Variants in WDR25 observed in about 807,000 individuals in gnomAD.
WDR25 encodes the protein WD repeat-containing protein 25.
In WDR25, 35 loss-of-function variants were observed where a neutral mutation model predicts 47.7. That is an observed-to-expected ratio of 0.73 (90% CI 0.56 to 0.97). The LOEUF (loss-of-function observed/expected upper bound fraction) is 0.97. WDR25 is among the 50% of genes least tolerant of loss of function. WDR25 has a pLI of 0.00. For missense variants in WDR25, 634 were observed against 704.7 expected (o/e 0.90, Z 1.14); for synonymous variants, 248 against 278.9 (o/e 0.89, Z 1.10).
In WDR25 at chr14:100,381,580, A is replaced by G; in HGVS notation, c.656A>G (p.Glu219Gly). The G allele has an allele frequency of 6.2e-7, 1 of 1,609,618 alleles. No homozygotes were observed. Among genetic ancestry groups the G allele is most frequent in the Non-Finnish European group, 8.5e-7 (1 of 1,177,014 alleles). ...CTCTACGTGGGCCCGGGAGTGTCTG[A>G]GTTTATTCAGCCATATTTGAATAGC... is the stretch of plus-strand genomic sequence containing the variant. ...APLYVGPGVS[E>G]FIQPYLNSHY... is the part of the protein sequence containing the mutation. The change falls in exon 2 of 7, where the codon GAG (glutamate) becomes GGG (glycine). Residue 219 changes from glutamate (E) to glycine (G), a missense_variant. By Grantham distance (98) the Glu-to-Gly change is moderately conservative (BLOSUM62 -2). Coordinates refer to ENST00000402312, the MANE Select transcript of WDR25 (RefSeq NM_001161476.3).
At chr14:100,413,998 A>AT (rs34471579) in intron 2 of WDR25, among the ~76,000 whole-genome samples, 2,588 of 140,234 alleles carry the variant, frequency 0.018, 37 homozygotes, top group Non-Finnish European at 0.029. Context: ...GAGGTAGTTC[A>AT]TTTTTTTTTT....
chr14:100,485,613 C>T (rs561837776), intron 4 of WDR25, among the ~76,000 whole-genome samples: 2 of 152,326 alleles, frequency 1.3e-5, no homozygotes, highest in East Asian at 1.9e-4. Flanking sequence ...TTGGTCTCAA[C>T]AGTGGGGAGC....
chr14:100,394,357 C>T (rs1212354182), intron 2 of WDR25, among the ~76,000 whole-genome samples: 1 of 152,188 alleles, frequency 6.6e-6, no homozygotes, highest in East Asian at 1.9e-4. Flanking sequence ...CTTGTGACGT[C>T]TCCATGAGCC....
intron 4 of WDR25, among the ~76,000 whole-genome samples, chr14:100,508,429 A>G (rs1261355116): frequency 1.3e-5 from 2 of 152,192 alleles, no homozygotes; most frequent in African/African-American, 4.8e-5. Flanking sequence ...AGCCAGAACA[A>G]TCAGGCAAGA....
intron 2 of WDR25, among the ~76,000 whole-genome samples, chr14:100,417,892 C>G (rs1042079548): frequency 2.0e-5 from 3 of 151,710 alleles, no homozygotes; most frequent in Admixed American, 2.0e-4. Context: ...TACTTAGGCT[C>G]TTGTGCATGT....
rs73347399 is a variant in WDR25 at position 100,434,921 on chromosome 14, G to A, written c.823-33100G>A. 4.9e-3 allele frequency among the ~76,000 whole-genome samples: 750 copies of A among 152,168 alleles called. 10 individuals are homozygous for A. The highest frequency in any genetic ancestry group is 0.017 in the African/African-American group (704 of 41,500). ...TTTGCCGTTTCTCATTTAACTGTGC[G>A]CCTGAGCAGGCTACATTAGTCCTGA... On this transcript the variant is annotated intron_variant, in intron 2 of 6. Transcript: ENST00000402312.
In WDR25 at chr14:100,502,318, G is replaced by GC. The variant is rs1900952277; in HGVS notation, c.1101+18200dup. ...GGGAAAGGCCTTAAGGCTCTCATGAGCCCCCCACATTCAGTGCCCTCATTC... is the reference window on the plus strand; with the variant it reads ...GGGAAAGGCCTTAAGGCTCTCATGAGCCCCCCCACATTCAGTGCCCTCATTC... On this transcript the variant is annotated intron_variant, in intron 4 of 6. Coordinates refer to ENST00000402312, the MANE Select transcript of WDR25 (RefSeq NM_001161476.3). The surrounding 1 kb of genome is among the most constrained non-coding windows in gnomAD (Gnocchi z 4.5). Among the ~76,000 whole-genome samples the GC allele has an allele frequency of 6.6e-6, 1 of 152,206 alleles. No homozygotes were observed. The highest frequency in any genetic ancestry group is 2.4e-5 in the African/African-American group (1 of 41,460).
chr14:100,445,700 A>T (rs564935539), intron 2 of WDR25, among the ~76,000 whole-genome samples: 55 of 152,252 alleles, frequency 3.6e-4, no homozygotes, highest in Non-Finnish European at 6.8e-4. Context: ...TTTTGTTCTG[A>T]AACCCCCAGG....
chr14:100,405,539 C>T (rs893836722), intron 2 of WDR25, among the ~76,000 whole-genome samples: 1 of 152,198 alleles, frequency 6.6e-6, no homozygotes, highest in African/African-American at 2.4e-5. Flanking sequence ...GCTGGGCCCC[C>T]TGGAGGATCA....
At chr14:100,380,043 T>TTTTTCTTTTC (rs56062624) in intron 1 of WDR25, among the ~76,000 whole-genome samples, 3 of 149,506 alleles carry the variant, frequency 2.0e-5, no homozygotes, top group South Asian at 2.1e-4. Flanking sequence ...ACCCAGCGCT[T>TTTTTCTTTTC]TTTTCTTTTC....
chr14:100,399,194 T>C (rs1595500236), intron 2 of WDR25, among the ~76,000 whole-genome samples: 1 of 152,172 alleles, frequency 6.6e-6, no homozygotes, highest in East Asian at 1.9e-4. Flanking sequence ...ACATTGATGT[T>C]TTTACACAAC....
rs149492649 is a variant in WDR25, at chr14:100,449,895, G to T, written c.823-18126G>T. ...GTTACGCCATGTGCCACGACACCCTGCCTTCTCCCCTGCTCCCCTTCTGCC... is the reference window on the plus strand; with the variant it reads ...GTTACGCCATGTGCCACGACACCCTTCCTTCTCCCCTGCTCCCCTTCTGCC... On this transcript the variant is annotated intron_variant, in intron 2 of 6. Coordinates refer to ENST00000402312, the MANE Select transcript of WDR25 (RefSeq NM_001161476.3). This position sits in a 1 kb window ranked among gnomAD's most constrained non-coding sequence, Gnocchi z 4.2. Among the ~76,000 whole-genome samples, 487 of 152,234 alleles carry T rather than the reference G, an allele frequency of 3.2e-3. 1 individual carries two copies. Among genetic ancestry groups the T allele is most frequent in the Non-Finnish European group, 5.8e-3 (393 of 68,004 alleles).
chr14:100,467,499 TTTTTC>T (rs553668492), intron 2 of WDR25, among the ~76,000 whole-genome samples: 154 of 152,220 alleles, frequency 1.0e-3, no homozygotes, highest in African/African-American at 3.6e-3. Context: ...TGCGTTTTCT[TTTTTC>T]TTTTATTTTG....
intron 2 of WDR25, among the ~76,000 whole-genome samples, chr14:100,410,119 A>G (rs1358806571): frequency 6.6e-6 from 1 of 152,212 alleles, no homozygotes; most frequent in Non-Finnish European, 1.5e-5. Context: ...AGAGGGAGAC[A>G]GTCAAAGCTC....
intron 2 of WDR25, among the ~76,000 whole-genome samples, chr14:100,437,301 C>G (rs1288238335): frequency 6.6e-6 from 1 of 152,136 alleles, no homozygotes; most frequent in East Asian, 1.9e-4. Context: ...ATCCTCTCCT[C>G]AAGAGACCCC....
intron 2 of WDR25, among the ~76,000 whole-genome samples, chr14:100,447,178 C>T (rs987930892): frequency 3.3e-5 from 5 of 152,154 alleles, no homozygotes; most frequent in Admixed American, 1.3e-4. Flanking sequence ...CCCAGGTTTG[C>T]GCGTGAGCTT....
intron 4 of WDR25, among the ~76,000 whole-genome samples, chr14:100,495,005 G>A (rs1900686036): frequency 6.6e-6 from 1 of 152,170 alleles, no homozygotes. Flanking sequence ...AACATAGCAA[G>A]ATCCTGACTC....
chr14:100,450,231 C>T (rs769827491), intron 2 of WDR25, among the ~76,000 whole-genome samples: 8 of 152,204 alleles, frequency 5.3e-5, no homozygotes, highest in Non-Finnish European at 1.0e-4. Flanking sequence ...TCTCCTCCTT[C>T]ACATAGGGCT....
rs778011900 is a variant in WDR25, at chr14:100,440,386, C to T, written c.823-27635C>T. On this transcript the variant is annotated intron_variant, in intron 2 of 6. Transcript: ENST00000402312. This position sits in a 1 kb window ranked among gnomAD's most constrained non-coding sequence, Gnocchi z 4.4. ...CAGCGGGGTGGCGCCAGACACCTGG[C>T]TTTGAGTCCCGTGGAGGCATGCCAC... 6.6e-6 allele frequency among the ~76,000 whole-genome samples: 1 copy of T among 152,234 alleles called. No individual in the cohort carries two copies. The highest frequency in any genetic ancestry group is 1.5e-5 in the Non-Finnish European group (1 of 68,034).
Sources: allele counts gnomAD v4.1 joint callset (sites outside exome capture counted in the v4.1 genomes callset), GRCh38; gene constraint gnomAD v4.1.1; non-coding constraint Gnocchi (gnomAD v3.1); transcripts MANE v1.5; gene names NCBI Gene and HGNC (gene_info 2026-07-23, HGNC 2026-07-21).